Variants in DOCK7 observed in about 807,000 individuals in gnomAD.
DOCK7 encodes the protein dedicator of cytokinesis protein 7.
Under a neutral mutation model 271.0 loss-of-function variants are expected in DOCK7, and 138 were observed. The ratio of observed to expected loss-of-function variants is 0.51; its 90% CI spans 0.44 to 0.59. The LOEUF is 0.59. DOCK7 is among the 20% of genes least tolerant of loss of function. The probability of loss-of-function intolerance (pLI) is 0.00; values close to 1 mark genes in which losing one functional copy is unlikely to be tolerated. For missense variants in DOCK7, 2,066 were observed against 2,592.4 expected (o/e 0.80, Z 4.41); for synonymous variants, 823 against 876.1 (o/e 0.94, Z 1.07).
At chr1:62,553,826 C>A (rs770756155) in intron 21 of DOCK7, among the ~76,000 whole-genome samples, 3 of 122,570 alleles carry the variant, frequency 2.4e-5, no homozygotes, top group Non-Finnish European at 2.0e-5. Context: ...AGGAAACACA[C>A]ACACACAGAC....
intron 27 of DOCK7, 57 bp from the exon 28 acceptor site, chr1:62,538,118 C>T (rs1645407784): frequency 6.6e-7 from 1 of 1,526,020 alleles, no homozygotes; most frequent in South Asian, 1.3e-5. Context: ...TTCTTTAATA[C>T]TAATACCAGA....
intron 1 of DOCK7, among the ~76,000 whole-genome samples, chr1:62,663,524 T>C (rs781358144): frequency 1.3e-5 from 2 of 152,138 alleles, no homozygotes; most frequent in Non-Finnish European, 2.9e-5. Flanking sequence ...TTAAAATATA[T>C]ATACACTTTA....
chr1:62,599,952 T>C (rs1157262589), intron 14 of DOCK7, among the ~76,000 whole-genome samples: 2 of 151,878 alleles, frequency 1.3e-5, no homozygotes, highest in African/African-American at 4.8e-5. Flanking sequence ...AAACATAATA[T>C]AAACTCAGAG....
intron 7 of DOCK7, 32 bp from the exon 8 acceptor site, chr1:62,636,635 A>G: frequency 6.6e-7 from 1 of 1,520,670 alleles, no homozygotes; most frequent in Non-Finnish European, 9.0e-7. Context: ...AATAATTTAA[A>G]GATAAACATG....
chr1:62,484,655 A>G (rs576006483), intron 43 of DOCK7: 93 of 152,088 alleles, frequency 6.1e-4, no homozygotes, highest in African/African-American at 2.0e-3. Flanking sequence ...TACCTGGCCA[A>G]TTTTTCTAAT....
At chr1:62,654,975 C>T (rs1342103032) in intron 2 of DOCK7, among the ~76,000 whole-genome samples, 1 of 152,206 alleles carries the variant, frequency 6.6e-6, no homozygotes, top group Non-Finnish European at 1.5e-5. Context: ...AAGCACAGCC[C>T]TGCCAAAACC....
At chr1:62,493,678 A>C (rs966532444) in intron 40 of DOCK7, among the ~76,000 whole-genome samples, 2 of 152,328 alleles carry the variant, frequency 1.3e-5, no homozygotes, top group East Asian at 3.9e-4. Flanking sequence ...AGAAACGATA[A>C]CTTTCTTTTT....
chr1:62,629,503 A>T (rs1428276562), intron 11 of DOCK7: 1 of 152,220 alleles, frequency 6.6e-6, no homozygotes, highest in Non-Finnish European at 1.5e-5. Flanking sequence ...ATACAAGTCA[A>T]TATGTATGAA....
At chr1:62,583,996 T>C (rs980338676) in intron 15 of DOCK7, 2 of 283,996 alleles carry the variant, frequency 7.0e-6, no homozygotes, top group Non-Finnish European at 1.1e-5. Flanking sequence ...TGAGACAGAC[T>C]TGCAGTGTTA....
chr1:62,571,084 A>G (rs1646759370), intron 18 of DOCK7, among the ~76,000 whole-genome samples: 1 of 152,224 alleles, frequency 6.6e-6, no homozygotes, highest in Non-Finnish European at 1.5e-5. Context: ...GAGCTTCTGC[A>G]CTGCAAAAGA....
chr1:62,637,242 T>A (rs1230745639), intron 7 of DOCK7, among the ~76,000 whole-genome samples: 4 of 152,204 alleles, frequency 2.6e-5, no homozygotes, highest in African/African-American at 9.6e-5. Flanking sequence ...GCATAGTAAT[T>A]CCCATTATAT....
At position 62,535,639 on chromosome 1, in the gene DOCK7, G is replaced by C; in HGVS notation, c.3472-7C>G. 6.2e-7 allele frequency: 1 copy of C among 1,612,208 alleles called. No individual in the cohort carries two copies. The highest frequency in any genetic ancestry group is 1.7e-5 in the Admixed American group (1 of 59,816). ...TCGTAGAAAATCCAGAACTCTGTTG[G>C]AAAGTGAGGCAGAACAAGACTATAA... On this transcript the variant is annotated splice_polypyrimidine_tract_variant and splice_region_variant and intron_variant, in intron 28 of 49. Coordinates refer to ENST00000635253, the MANE Select transcript of DOCK7 (RefSeq NM_001367561.1).
At chr1:62,516,955 A>T (rs566765421) in intron 31 of DOCK7, 1 of 152,546 alleles carries the variant, frequency 6.6e-6, no homozygotes, top group South Asian at 2.1e-4. Context: ...GTCAGACTAT[A>T]CAACCTACTA....
intron 18 of DOCK7, among the ~76,000 whole-genome samples, chr1:62,567,933 C>T (rs1646576005): frequency 6.6e-6 from 1 of 152,060 alleles, no homozygotes; most frequent in African/African-American, 2.4e-5. Flanking sequence ...AACTCTCCAT[C>T]CCAAAACAAC....
intron 48 of DOCK7, among the ~76,000 whole-genome samples, chr1:62,460,604 AACACAC>A (rs57641890): frequency 0.24 from 36,365 of 148,742 alleles, 4,702 homozygotes; most frequent in African/African-American, 0.33. Context: ...CAATGTATTG[AACACAC>A]ACACACACAC....
chr1:62,542,042 A>T (rs1012556423), intron 25 of DOCK7, among the ~76,000 whole-genome samples: 10 of 151,942 alleles, frequency 6.6e-5, no homozygotes, highest in Non-Finnish European at 1.2e-4. Context: ...TAGCTAATTT[A>T]AAAAAAAATT....
chr1:62,604,588 A>G, intron 14 of DOCK7: 1 of 1,564,192 alleles, frequency 6.4e-7, no homozygotes, highest in Non-Finnish European at 8.8e-7. Flanking sequence ...AACAGTAACT[A>G]CATACGAGTC....
At chr1:62,604,860 A>C in intron 14 of DOCK7, 10 of 1,549,356 alleles carry the variant, frequency 6.5e-6, no homozygotes, top group Non-Finnish European at 8.8e-6. Context: ...CATTAACCTC[A>C]TTCCAAGTTA....
intron 35 of DOCK7, 110 bp from the exon 36 acceptor site, chr1:62,505,926 G>C: frequency 9.7e-7 from 1 of 1,035,586 alleles, no homozygotes; most frequent in Non-Finnish European, 1.3e-6. Context: ...TATAAGTAAA[G>C]TTTTAAAAGA....
Sources: allele counts gnomAD v4.1 joint callset (sites outside exome capture counted in the v4.1 genomes callset), GRCh38; gene constraint gnomAD v4.1.1; transcripts MANE v1.5; gene names NCBI Gene and HGNC (gene_info 2026-07-23, HGNC 2026-07-21).